The following RBFOX1 variants were observed in gnomAD, a reference collection of about 807,000 sequenced individuals.
RBFOX1 encodes RNA binding fox-1 homolog 1.
RBFOX1 carries 8 observed loss-of-function variants against 57.7 expected under a neutral mutation model. The ratio of observed to expected loss-of-function variants is 0.14; its 90% CI spans 0.08 to 0.25. The LOEUF is 0.25. RBFOX1 is among the 10% of genes least tolerant of loss of function. The pLI is 1.00. For missense variants in RBFOX1, 611 were observed against 548.5 expected, an observed-to-expected ratio of 1.11 and a Z score of -1.14; for synonymous variants, 326 against 222.4, an observed-to-expected ratio of 1.47 and a Z score of -4.15.
At chr16:6,189,368 G>C (rs1297342623) in intron 1 of RBFOX1, among the ~76,000 whole-genome samples, 1 of 152,204 alleles carries the variant, frequency 6.6e-6, no homozygotes, top group Non-Finnish European at 1.5e-5. Flanking sequence ...CTGGTTCACA[G>C]GTGTCTCTTT....
intron 4 of RBFOX1, among the ~76,000 whole-genome samples, chr16:7,484,439 C>G (rs2064847566): frequency 6.6e-6 from 1 of 152,068 alleles, no homozygotes; most frequent in Non-Finnish European, 1.5e-5. Flanking sequence ...TGCCATTTTG[C>G]TTTTCCACTG....
intron 14 of RBFOX1, among the ~76,000 whole-genome samples, chr16:7,689,433 A>G (rs759431797): frequency 8.5e-5 from 13 of 152,160 alleles, no homozygotes; most frequent in Admixed American, 3.9e-4. Flanking sequence ...ATTCCCTCAC[A>G]GCAGAATCTG....
intron 4 of RBFOX1, among the ~76,000 whole-genome samples, chr16:7,101,895 C>T (rs1346339778): frequency 6.6e-6 from 1 of 152,118 alleles, no homozygotes; most frequent in Non-Finnish European, 1.5e-5. Context: ...TGTACCAAAG[C>T]ATGGAGACCA....
chr16:6,593,342 A>C (rs1461046013), intron 2 of RBFOX1, among the ~76,000 whole-genome samples: 2 of 152,184 alleles, frequency 1.3e-5, no homozygotes, highest in Non-Finnish European at 2.9e-5. Context: ...TCAGGCACTA[A>C]AAGAAAGGGT....
intron 4 of RBFOX1, among the ~76,000 whole-genome samples, chr16:5,868,164 C>T (rs1409338689): frequency 1.3e-5 from 2 of 152,164 alleles, no homozygotes; most frequent in Admixed American, 6.5e-5. Flanking sequence ...TAATGGGCTC[C>T]TGCAAAATAT....
Position 5,709,843 on chromosome 16 carries a change from ATTTTTTTTTTTTTTTTTTTTTTTT to A in RBFOX1, c.318+110893_318+110916del, listed in dbSNP as rs35733374. The stretch of plus-strand genomic sequence containing the variant: ...TATATATATATATATATATATATAT[ATTTTTTTTTTTTTTTTTTTTTTTT>A]TTTTTTTTTTACCATTTCCTTTATT... On this transcript the variant is annotated intron_variant, in intron 3 of 19. Coordinates refer to the RBFOX1 transcript ENST00000641259. 6.5e-3 allele frequency among the ~76,000 whole-genome samples: 80 copies of A among 12,288 alleles called. 3 individuals carry two copies. The highest frequency in any genetic ancestry group is 7.4e-3 in the Non-Finnish European group (53 of 7,178). 8.1% of individuals were successfully genotyped at this position (12,288 alleles called of 152,430 possible).
intron 4 of RBFOX1, among the ~76,000 whole-genome samples, chr16:7,363,276 C>A (rs777181702): frequency 6.6e-6 from 1 of 152,094 alleles, no homozygotes; most frequent in Non-Finnish European, 1.5e-5. Context: ...TCCAGATAAA[C>A]CTGTCAAGCT....
At chr16:5,982,850 A>G (rs534150594) in intron 4 of RBFOX1, among the ~76,000 whole-genome samples, 9 of 152,348 alleles carry the variant, frequency 5.9e-5, no homozygotes, top group Admixed American at 2.0e-4. Flanking sequence ...GTTCACTATT[A>G]TATCTGTTAT....
At chr16:5,669,717 C>A (rs1404046597) in intron 3 of RBFOX1, among the ~76,000 whole-genome samples, 1 of 152,062 alleles carries the variant, frequency 6.6e-6, no homozygotes, top group African/African-American at 2.4e-5. Flanking sequence ...CACGCCGGGC[C>A]CAAGATGGCT....
chr16:5,867,149 C>CGT (rs756346926), intron 3 of RBFOX1, among the ~76,000 whole-genome samples: 49 of 126,818 alleles, frequency 3.9e-4, no homozygotes, highest in East Asian at 2.8e-3. Flanking sequence ...GAAGAAAATG[C>CGT]ATGTGTGTGT....
chr16:6,321,610 T>A (rs1215829298), intron 2 of RBFOX1, among the ~76,000 whole-genome samples: 4 of 152,218 alleles, frequency 2.6e-5, no homozygotes, highest in Non-Finnish European at 5.9e-5. Context: ...TCACCTCTGA[T>A]TATTTCCATG....
chr16:7,487,838 A>G (rs1226337579), intron 4 of RBFOX1, among the ~76,000 whole-genome samples: 2 of 152,190 alleles, frequency 1.3e-5, no homozygotes, highest in Non-Finnish European at 2.9e-5. Flanking sequence ...CTTGGGTAGA[A>G]AAAAAGCTGC....
chr16:7,052,649 G>T (rs1315958118), intron 4 of RBFOX1, among the ~76,000 whole-genome samples: 1 of 152,158 alleles, frequency 6.6e-6, no homozygotes, highest in Non-Finnish European at 1.5e-5. Flanking sequence ...AAACTGTCTT[G>T]GTGCTCAGGC....
chr16:6,501,830 T>A (rs1048646335), intron 2 of RBFOX1, among the ~76,000 whole-genome samples: 1 of 53,938 alleles, frequency 1.9e-5, no homozygotes, highest in Non-Finnish European at 4.0e-5. Flanking sequence ...GGGGGGAAAT[T>A]CTTCTTGGTT....
intron 4 of RBFOX1, among the ~76,000 whole-genome samples, chr16:5,935,965 C>T (rs2059159854): frequency 6.6e-6 from 1 of 152,152 alleles, no homozygotes; most frequent in African/African-American, 2.4e-5. Flanking sequence ...GGCCTTCGTT[C>T]TGTAAACCTG....
At chr16:7,333,686 G>C (rs1026807598) in intron 4 of RBFOX1, among the ~76,000 whole-genome samples, 2 of 152,176 alleles carry the variant, frequency 1.3e-5, no homozygotes, top group African/African-American at 4.8e-5. Context: ...AAAGTGGAGG[G>C]TTGATATGTG....
chr16:6,337,367 C>A (rs2083910784), intron 2 of RBFOX1, among the ~76,000 whole-genome samples: 1 of 152,212 alleles, frequency 6.6e-6, no homozygotes, highest in Non-Finnish European at 1.5e-5. Context: ...TAATTTGAAT[C>A]ACCGCCATCA....
At chr16:5,296,410 T>G (rs1297708758) in intron 1 of RBFOX1, among the ~76,000 whole-genome samples, 2 of 152,176 alleles carry the variant, frequency 1.3e-5, no homozygotes, top group Non-Finnish European at 2.9e-5. Context: ...TGGGAGATGT[T>G]TACATCCCCA....
intron 4 of RBFOX1, among the ~76,000 whole-genome samples, chr16:7,502,542 A>G (rs1277140623): frequency 6.6e-6 from 1 of 152,120 alleles, no homozygotes; most frequent in Non-Finnish European, 1.5e-5. Context: ...GAAGAAATAG[A>G]AGATATGTTG....
Sources: allele counts gnomAD v4.1 joint callset (sites outside exome capture counted in the v4.1 genomes callset), GRCh38; gene constraint gnomAD v4.1.1; transcripts MANE v1.5; gene names NCBI Gene and HGNC (gene_info 2026-07-23, HGNC 2026-07-21).